Variants in TBC1D31 observed in about 807,000 individuals in gnomAD.
TBC1D31 encodes WD repeat domain 67.
Under a neutral mutation model 132.9 loss-of-function variants are expected in TBC1D31, and 99 were observed. The ratio of observed to expected loss-of-function variants is 0.74; its 90% confidence interval spans 0.63 to 0.88. The LOEUF is 0.88. TBC1D31 is among the 40% of genes least tolerant of loss of function. The pLI is 0.00. For missense variants in TBC1D31, 1,134 were observed against 1,256.6 expected, an observed-to-expected ratio of 0.90 and a Z score of 1.48; for synonymous variants, 385 against 419.4, an observed-to-expected ratio of 0.92 and a Z score of 1.00.
At chr8:123,152,530 C>A (rs7010996), downstream of TBC1D31, among the ~76,000 whole-genome samples, 52 of 152,228 alleles carry the variant, frequency 3.4e-4, no homozygotes, top group African/African-American at 1.1e-3. Flanking sequence ...ACTTCCTGAA[C>A]CTTACTCTCT....
At chr8:123,082,875 C>A in intron 3 of TBC1D31, 58 bp downstream of exon 3, 1 of 1,214,502 alleles carries the variant, frequency 8.2e-7, no homozygotes, top group South Asian at 1.3e-5. Context: ...TGAAGAACTG[C>A]AAGAACTTTA....
At chr8:123,152,516 T>G (rs1487677292), downstream of TBC1D31, among the ~76,000 whole-genome samples, 1 of 152,120 alleles carries the variant, frequency 6.6e-6, no homozygotes, top group Admixed American at 6.6e-5. Flanking sequence ...TGGGGCTGCT[T>G]GTGACTTCCT....
Position 123,109,522 on chromosome 8 carries a change from G to T in TBC1D31, c.1338G>T (p.Ala446=). The T allele has an allele frequency of 1.2e-6, 2 of 1,613,854 alleles. No individual in the cohort carries two copies. Among genetic ancestry groups the T allele is most frequent in the Non-Finnish European group, 1.7e-6 (2 of 1,179,908 alleles). The stretch of plus-strand genomic sequence containing the variant: ...TACAACTGCCTGAAAATCATACTGC[G>T]TTTAGTACCCTCATAGATAAGGGGA... ...SLLQLPENHT[A]FSTLIDKGTH... Residue 446 remains alanine, a synonymous_variant, in exon 10 of 22, where the codon GCG becomes GCT. Coordinates refer to ENST00000287380, the MANE Select transcript of TBC1D31 (RefSeq NM_145647.4).
intron 5 of TBC1D31, among the ~76,000 whole-genome samples, chr8:123,096,877 C>A (rs1586602435): frequency 6.6e-6 from 1 of 152,018 alleles, no homozygotes; most frequent in Non-Finnish European, 1.5e-5. Flanking sequence ...AGCCATGTAC[C>A]ACCAATTCTA....
intron 13 of TBC1D31, among the ~76,000 whole-genome samples, chr8:123,127,261 A>ATTTTTTTTTTTTTTT (rs35198781): frequency 1.4e-5 from 1 of 69,916 alleles, no homozygotes; most frequent in African/African-American, 6.1e-5. Context: ...TGCTTTTTGC[A>ATTTTTTTTTTTTTTT]TTTTTTTTTT....
intron 19 of TBC1D31, among the ~76,000 whole-genome samples, chr8:123,143,557 T>C (rs1477502759): frequency 1.3e-5 from 2 of 152,216 alleles, no homozygotes; most frequent in East Asian, 1.9e-4. Flanking sequence ...TGTAGATACC[T>C]GGCTTAATTG....
chr8:123,119,244 T>A (rs1819244434), intron 10 of TBC1D31, among the ~76,000 whole-genome samples: 1 of 152,192 alleles, frequency 6.6e-6, no homozygotes, highest in Non-Finnish European at 1.5e-5. Flanking sequence ...GGCACTGACT[T>A]TCGAAATTGC....
intron 10 of TBC1D31, among the ~76,000 whole-genome samples, chr8:123,111,931 G>C (rs986891730): frequency 6.6e-6 from 1 of 152,240 alleles, no homozygotes; most frequent in Non-Finnish European, 1.5e-5. Context: ...ATAGCTAACT[G>C]TAACCTCGAA....
chr8:123,129,713 T>C (rs1343493591), intron 15 of TBC1D31, among the ~76,000 whole-genome samples: 1 of 152,148 alleles, frequency 6.6e-6, no homozygotes, highest in Non-Finnish European at 1.5e-5. Flanking sequence ...CACATACCTA[T>C]AGTCCCAGCT....
the TBC1D31 span, among the ~76,000 whole-genome samples, chr8:123,162,919 G>A: frequency 5.9e-5 from 9 of 151,740 alleles, no homozygotes; most frequent in Admixed American, 3.9e-4. Context: ...TGCAACTTCC[G>A]CCTCCCAGAT....
At chr8:123,102,358 C>A (rs747817112) in intron 7 of TBC1D31, 54 of 389,900 alleles carry the variant, frequency 1.4e-4, no homozygotes, top group Non-Finnish European at 2.5e-4. Flanking sequence ...CGTTTGCCAC[C>A]TTTTTTTATT....
chr8:123,129,016 G>T, intron 14 of TBC1D31, 50 bp from the exon 15 acceptor site: 1 of 1,331,984 alleles, frequency 7.5e-7, no homozygotes, highest in South Asian at 1.7e-5. Flanking sequence ...GTGTTTTGAT[G>T]ATTCTTAGCT....
At chr8:123,134,357 A>C in intron 17 of TBC1D31, 151 bp downstream of exon 17, 2 of 581,506 alleles carry the variant, frequency 3.4e-6, no homozygotes, top group Non-Finnish European at 3.1e-6. Flanking sequence ...ATATAGTGAG[A>C]CCCCATCTCT....
intron 1 of TBC1D31, 89 bp from the exon 2 acceptor site, chr8:123,077,022 A>C: frequency 1.6e-6 from 2 of 1,279,712 alleles, no homozygotes; most frequent in Non-Finnish European, 1.1e-6. Flanking sequence ...GGGAAGAATG[A>C]ACAGACGAAA....
chr8:123,142,529 A>G, intron 19 of TBC1D31, 73 bp downstream of exon 19: 1 of 1,230,134 alleles, frequency 8.1e-7, no homozygotes, highest in East Asian at 2.7e-5. Context: ...ACAGAGTCTC[A>G]CTTTGTTGTA....
intron 4 of TBC1D31, among the ~76,000 whole-genome samples, chr8:123,089,175 TACTCA>T (rs1327770476): frequency 6.6e-6 from 1 of 152,196 alleles, no homozygotes; most frequent in African/African-American, 2.4e-5. Context: ...GGATCAGGGA[TACTCA>T]ATTGGTGAGT....
chr8:123,128,328 A>G lies in TBC1D31; in HGVS notation c.1932A>G (p.Arg644=). The change falls in exon 14 of 22, where the codon AGA becomes AGG. Residue 644 remains arginine, a synonymous_variant. Transcript: ENST00000287380. The stretch of plus-strand genomic sequence containing the variant: ...ACCTGGATATAAATGTTGTGATTAG[A>G]CAAGTTTATCATCTCATGGAGACCA... The part of the protein sequence containing the change: ...RNNLDINVVI[R]QVYHLMETTP... 1 of 1,613,420 alleles carries G rather than the reference A, an allele frequency of 6.2e-7. No homozygotes were observed. The highest frequency in any genetic ancestry group is 8.5e-7 in the Non-Finnish European group (1 of 1,179,482).
chr8:123,159,617 A>AC, the TBC1D31 span, among the ~76,000 whole-genome samples: 1 of 152,246 alleles, frequency 6.6e-6, no homozygotes, highest in African/African-American at 2.4e-5. Flanking sequence ...CATGGAAGAA[A>AC]CCCCATCTCT....
intron 5 of TBC1D31, 42 bp from the exon 6 acceptor site, chr8:123,097,240 C>A (rs774603316): frequency 1.9e-6 from 3 of 1,609,214 alleles, no homozygotes; most frequent in Non-Finnish European, 2.5e-6. Flanking sequence ...CTGCTACAAA[C>A]AATTGAACCC....
Sources: gnomAD v4.1 joint callset for allele counts (sites outside exome capture counted in the v4.1 genomes callset) on GRCh38, gnomAD v4.1.1 for gene constraint, MANE v1.5 for transcripts, NCBI Gene and HGNC (gene_info 2026-07-23, HGNC 2026-07-21) for gene names.